Variants in PPP4R3B observed in about 807,000 individuals in gnomAD.
The protein encoded by PPP4R3B is serine/threonine-protein phosphatase 4 regulatory subunit 3B.
In PPP4R3B, 52 loss-of-function variants were observed where a neutral mutation model predicts 95.4. The observed-to-expected ratio is 0.54, with a 90% confidence interval of 0.44 to 0.69. The LOEUF (loss-of-function observed/expected upper bound fraction) is 0.69, where lower values mean the gene tolerates loss of function less well. PPP4R3B is among the 30% of genes least tolerant of loss of function. PPP4R3B has a pLI of 0.00. For synonymous variants in PPP4R3B, 407 were observed against 343.9 expected, an observed-to-expected ratio of 1.18 and a Z score of -2.03; for missense variants, 1,003 against 1,005.9, an observed-to-expected ratio of 1.00 and a Z score of 0.04.
rs1202108215 is a variant in PPP4R3B, at chr2:55,598,746, A to G, written c.591T>C (p.Ile197=). 1 of 1,614,248 alleles carries G rather than the reference A, an allele frequency of 6.2e-7. No homozygotes were observed. Among genetic ancestry groups the G allele is most frequent in the African/African-American group, 1.3e-5 (1 of 75,078 alleles). The change falls in exon 4 of 17, where the codon ATT becomes ATC. Residue 197 remains isoleucine (I), a synonymous_variant. Coordinates refer to ENST00000616407, the MANE Select transcript of PPP4R3B (RefSeq NM_001122964.3). ...NTEGLHHLYE[I]IRGILFLNKA... is the part of the protein sequence containing the mutation. ...TATTTAGGAATAAGATTCCTCTAAT[A>G]ATTTCATACAAATGGTGTAAGCCTT...
At chr2:55,586,043 T>C (rs1390320386) in intron 6 of PPP4R3B, among the ~76,000 whole-genome samples, 3 of 152,040 alleles carry the variant, frequency 2.0e-5, no homozygotes, top group South Asian at 4.1e-4. Flanking sequence ...AAAAAAAAAG[T>C]AAAAAACGGT....
intron 15 of PPP4R3B, among the ~76,000 whole-genome samples, chr2:55,561,904 T>C (rs1034273480): frequency 2.0e-5 from 3 of 152,132 alleles, no homozygotes; most frequent in Non-Finnish European, 2.9e-5. Context: ...GAATGAGTTA[T>C]GGGGGACTGT....
chr2:55,575,063 A>C (rs1035954458), intron 11 of PPP4R3B, among the ~76,000 whole-genome samples: 7 of 143,306 alleles, frequency 4.9e-5, no homozygotes, highest in East Asian at 2.1e-4. Flanking sequence ...TCAGCCTCCC[A>C]AGTAGCTGGG....
intron 4 of PPP4R3B, among the ~76,000 whole-genome samples, chr2:55,596,193 G>C (rs1236119094): frequency 6.6e-6 from 1 of 152,158 alleles, no homozygotes; most frequent in Non-Finnish European, 1.5e-5. Flanking sequence ...ACAGCTTGCT[G>C]CAAGGACTCA....
Position 55,617,434 on chromosome 2 carries a change from A to T in PPP4R3B, c.-149T>A. The stretch of plus-strand genomic sequence containing the variant: ...GAATTCACCATGGCTCCAAAGGTTC[A>T]GCCGCGAGAAGGGGTGACAAGAGCC... On this transcript the variant is annotated 5_prime_UTR_variant, in exon 1 of 17. Coordinates refer to ENST00000616407, the MANE Select transcript of PPP4R3B (RefSeq NM_001122964.3). 1 of 936,658 alleles carries T rather than the reference A, an allele frequency of 1.1e-6. No homozygotes were observed. The highest frequency in any genetic ancestry group is 1.5e-6 in the Non-Finnish European group (1 of 679,594). The allele number at this position is 936,658 out of a possible 1,614,324, so 58.0% of individuals were successfully genotyped here.
At chr2:55,609,984 C>T (rs1472030306) in intron 2 of PPP4R3B, among the ~76,000 whole-genome samples, 1 of 152,072 alleles carries the variant, frequency 6.6e-6, no homozygotes, top group Non-Finnish European at 1.5e-5. Context: ...TAATATATTA[C>T]ACACTAAAAA....
intron 13 of PPP4R3B, among the ~76,000 whole-genome samples, chr2:55,565,310 GTA>G (rs151277909): frequency 0.24 from 34,181 of 144,866 alleles, 4,658 homozygotes; most frequent in African/African-American, 0.37. Context: ...TCTATTTTTT[GTA>G]TATATATATA....
At chr2:55,586,314 T>C (rs1029371467) in intron 6 of PPP4R3B, among the ~76,000 whole-genome samples, 1 of 152,178 alleles carries the variant, frequency 6.6e-6, no homozygotes, top group Non-Finnish European at 1.5e-5. Flanking sequence ...TTCCACTCAC[T>C]GATCTAAAAA....
chr2:55,552,282 T>C (rs553566646), intron 16 of PPP4R3B, among the ~76,000 whole-genome samples: 1 of 152,226 alleles, frequency 6.6e-6, no homozygotes, highest in South Asian at 2.1e-4. Context: ...TGTTTTAAAA[T>C]AGCAGATTGA....
chr2:55,607,717 C>A (rs936315680), intron 2 of PPP4R3B, among the ~76,000 whole-genome samples: 1 of 152,084 alleles, frequency 6.6e-6, no homozygotes, highest in African/African-American at 2.4e-5. Context: ...ATTAATAAAC[C>A]CTCAGCCCCT....
chr2:55,607,790 C>G (rs752395536), intron 2 of PPP4R3B, among the ~76,000 whole-genome samples: 14 of 152,272 alleles, frequency 9.2e-5, no homozygotes, highest in Non-Finnish European at 1.6e-4. Flanking sequence ...TGCCTTGGTC[C>G]TTCTGGTGAC....
intron 15 of PPP4R3B, among the ~76,000 whole-genome samples, chr2:55,562,073 C>T (rs1034345501): frequency 2.0e-5 from 3 of 152,120 alleles, no homozygotes; most frequent in Middle Eastern, 6.3e-3. Context: ...AGGCAGAAAA[C>T]CCCCTTGCTA....
At chr2:55,605,940 C>T (rs924971338) in intron 2 of PPP4R3B, among the ~76,000 whole-genome samples, 10 of 148,650 alleles carry the variant, frequency 6.7e-5, no homozygotes, top group African/African-American at 2.5e-4. Context: ...CCTTCAGTTT[C>T]TCTCATCATC....
intron 12 of PPP4R3B, among the ~76,000 whole-genome samples, chr2:55,571,744 G>A (rs938759096): frequency 1.3e-5 from 2 of 152,162 alleles, no homozygotes; most frequent in African/African-American, 4.8e-5. Context: ...TCCTGCCTCA[G>A]CTTCCTGAGT....
chr2:55,576,130 T>G (rs1431644514), intron 11 of PPP4R3B, among the ~76,000 whole-genome samples: 1 of 150,634 alleles, frequency 6.6e-6, no homozygotes, highest in African/African-American at 2.4e-5. Context: ...GTGGATCGCC[T>G]GAGGTCAGGA....
chr2:55,556,646 GA>G (rs1002500552), intron 16 of PPP4R3B, among the ~76,000 whole-genome samples: 49 of 145,790 alleles, frequency 3.4e-4, no homozygotes, highest in African/African-American at 9.3e-4. Context: ...AAAAAAAAAA[GA>G]AAAAAAAGAA....
chr2:55,565,065 T>G (rs1170824928), intron 13 of PPP4R3B, 24 bp from the exon 14 acceptor site: 1 of 1,521,144 alleles, frequency 6.6e-7, no homozygotes, highest in Non-Finnish European at 8.8e-7. Flanking sequence ...AAATTTACAT[T>G]TAAAATATAA....
At chr2:55,583,853 A>G (rs895911861) in intron 7 of PPP4R3B, among the ~76,000 whole-genome samples, 3 of 152,220 alleles carry the variant, frequency 2.0e-5, no homozygotes, top group Non-Finnish European at 4.4e-5. Flanking sequence ...AAACAACTAT[A>G]ATTTCATTCA....
rs1574813053 is a variant in PPP4R3B at position 55,586,050 on chromosome 2, C to T, written c.1116+568G>A. On this transcript the variant is annotated intron_variant, in intron 6 of 16. Coordinates refer to ENST00000616407, the MANE Select transcript of PPP4R3B (RefSeq NM_001122964.3). ...TTAGCAGGAAAAAAAAAGTAAAAAACGGTACTCTTTTCACTAAATTTTTTG... is the reference window on the plus strand; with the variant it reads ...TTAGCAGGAAAAAAAAAGTAAAAAATGGTACTCTTTTCACTAAATTTTTTG... Among the ~76,000 whole-genome samples the T allele has an allele frequency of 5.3e-5, 8 of 152,020 alleles. No homozygotes were observed. The South Asian group carries it at 1.5e-3, about 28-fold the overall frequency.
Sources: gnomAD v4.1 joint callset for allele counts (sites outside exome capture counted in the v4.1 genomes callset) on GRCh38, gnomAD v4.1.1 for gene constraint, MANE v1.5 for transcripts, NCBI Gene and HGNC (gene_info 2026-07-23, HGNC 2026-07-21) for gene names.